Variants in MARK2 observed in about 807,000 individuals in gnomAD.
MARK2 encodes the protein microtubule affinity regulating kinase 2, also known as serine/threonine-protein kinase MARK2.
In MARK2, 16 loss-of-function variants were observed where a neutral mutation model predicts 89.8. The observed-to-expected ratio is 0.18, with a 90% CI of 0.12 to 0.27. The LOEUF (loss-of-function observed/expected upper bound fraction) is 0.27, where lower values mean the gene tolerates loss of function less well. MARK2 is among the 10% of genes least tolerant of loss of function. The pLI, the probability that MARK2 is intolerant of heterozygous loss-of-function variation, is 1.00. For missense variants in MARK2, 621 were observed against 1,049.9 expected (o/e 0.59, Z 5.65); for synonymous variants, 382 against 399.5 (o/e 0.96, Z 0.52).
At chr11:63,881,859 A>C (rs1939108153) in intron 1 of MARK2, among the ~76,000 whole-genome samples, 1 of 152,132 alleles carries the variant, frequency 6.6e-6, no homozygotes, top group South Asian at 2.1e-4. Context: ...GAGAGGCTGA[A>C]GCAGGAGAAT....
intron 1 of MARK2, among the ~76,000 whole-genome samples, chr11:63,842,217 CTTT>C (rs563980317): frequency 6.8e-5 from 9 of 133,022 alleles, no homozygotes; most frequent in East Asian, 2.1e-4. Flanking sequence ...TTCCTGTATT[CTTT>C]TTTTTTTTTT....
rs1941600553 is a variant in MARK2, at chr11:63,909,314, G to A, written c.*77G>A. ...GGCCGCTGCGCCGCCCCACCTGGGC[G>A]AGACTGCAGCGATGGATTGGTGTGT... On this transcript the variant is annotated 3_prime_UTR_variant, in exon 19 of 19. Transcript: ENST00000402010. 6 of 1,420,970 alleles carry A rather than the reference G, an allele frequency of 4.2e-6. No homozygotes were observed. The highest frequency in any genetic ancestry group is 1.4e-5 in the African/African-American group (1 of 69,582). 88.0% of individuals were successfully genotyped at this position (1,420,970 alleles called of 1,614,324 possible). A position where few individuals can be genotyped will look rare whatever the true frequency, so the allele number is the denominator to read the frequency against.
In MARK2 at chr11:63,879,623, C is replaced by T. The variant is rs577526043; in HGVS notation, c.55-15536C>T. Reference sequence around the variant, plus strand: ...AGAAAGATAGCACCTCTCCCTTCAGCAGGAGCAGCCCAGTAAGGGCTTGCT... The same window carrying T: ...AGAAAGATAGCACCTCTCCCTTCAGTAGGAGCAGCCCAGTAAGGGCTTGCT... On this transcript the variant is annotated intron_variant, in intron 1 of 18. Transcript: ENST00000402010. Among the ~76,000 whole-genome samples the T allele has an allele frequency of 1.1e-4, 16 of 152,018 alleles. No individual in the cohort carries two copies. The South Asian group carries it at 3.1e-3, about 29-fold the overall frequency.
At position 63,861,493 on chromosome 11, in the gene MARK2, A is replaced by G. The variant is rs150044198; in HGVS notation, c.54+21933A>G. 3.8e-3 allele frequency among the ~76,000 whole-genome samples: 574 copies of G among 152,310 alleles called. 4 individuals are homozygous for G. The highest frequency in any genetic ancestry group is 0.013 in the African/African-American group (522 of 41,578). On this transcript the variant is annotated intron_variant, in intron 1 of 18. Coordinates refer to ENST00000402010, the MANE Select transcript of MARK2 (RefSeq NM_001039469.3). ...TTTGTTTACTGTATTAGTTAAGGCA[A>G]CGGCTTAGTAATGGCACCTCCTGGA... is the stretch of plus-strand genomic sequence containing the variant.
Position 63,900,028 on chromosome 11 carries a change from C to G in MARK2, c.686C>G (p.Pro229Arg). Reference protein sequence around the residue: ...ELFQGKKYDGPEVDVWSLGVI... With the variant: ...ELFQGKKYDGREVDVWSLGVI... ...TTCCAGGGCAAAAAATATGATGGAC[C>G]CGAGGTGGATGTGTGGAGCCTAGGA... Residue 229 changes from proline (P) to arginine (R), a missense_variant, in exon 8 of 19, where the codon CCC (proline) becomes CGC (arginine). By Grantham distance (103) the Pro-to-Arg change is moderately radical. Coordinates refer to ENST00000402010, the MANE Select transcript of MARK2 (RefSeq NM_001039469.3). The surrounding 1 kb of genome is among the most constrained non-coding windows in gnomAD (Gnocchi z 4.7). 1 of 1,614,138 alleles carries G rather than the reference C, an allele frequency of 6.2e-7. No individual in the cohort carries two copies. Among genetic ancestry groups the G allele is most frequent in the Non-Finnish European group, 8.5e-7 (1 of 1,180,020 alleles).
Position 63,903,850 on chromosome 11 carries a change from C to T in MARK2, c.1515-136C>T, listed in dbSNP as rs1310597188. 6.2e-6 allele frequency: 4 copies of T among 646,266 alleles called. No homozygotes were observed. Among genetic ancestry groups the T allele is most frequent in the South Asian group, 2.1e-5 (1 of 46,570 alleles). The allele number at this position is 646,266 out of a possible 1,614,324, so 40.0% of individuals were successfully genotyped here. A position where few individuals can be genotyped will look rare whatever the true frequency, so the allele number is the denominator to read the frequency against. The stretch of plus-strand genomic sequence containing the variant: ...CATTCCTCAGTTCTGACTTGCATCC[C>T]GCTGCTGCCCAGGCCTGACTTCTAC... On this transcript the variant is annotated intron_variant, in intron 14 of 18. Transcript: ENST00000402010. The surrounding 1 kb of genome is among the most constrained non-coding windows in gnomAD (Gnocchi z 5.1).
At chr11:63,859,680 G>A (rs1207489722) in intron 1 of MARK2, among the ~76,000 whole-genome samples, 1 of 151,648 alleles carries the variant, frequency 6.6e-6, no homozygotes, top group Non-Finnish European at 1.5e-5. Context: ...CGCCCAGGCT[G>A]GAGTGCGGTG....
intron 1 of MARK2, among the ~76,000 whole-genome samples, chr11:63,846,845 A>G (rs2016309028): frequency 6.6e-6 from 1 of 151,948 alleles, no homozygotes; most frequent in Non-Finnish European, 1.5e-5. Context: ...TTCAGTAGAG[A>G]CGGGGTTTCA....
chr11:63,856,443 AAC>A (rs1385178344), intron 1 of MARK2, among the ~76,000 whole-genome samples: 1 of 149,390 alleles, frequency 6.7e-6, no homozygotes, highest in African/African-American at 2.5e-5. Flanking sequence ...TTTATTTTGA[AAC>A]AGAGTCTTAC....
chr11:63,881,991 G>A lies in MARK2; in HGVS notation c.55-13168G>A, dbSNP rs1029195545. The stretch of plus-strand genomic sequence containing the variant: ...AAGAAATGAAGAGTACAGATAGAGC[G>A]CTGAGAGTCTAGAGAAGTGAGTCTA... On this transcript the variant is annotated intron_variant, in intron 1 of 18. Coordinates refer to ENST00000402010, the MANE Select transcript of MARK2 (RefSeq NM_001039469.3). 6.6e-5 allele frequency among the ~76,000 whole-genome samples: 10 copies of A among 152,196 alleles called. No individual in the cohort carries two copies. In the East Asian group the frequency reaches 1.5e-3, roughly 24 times the overall value.
intron 1 of MARK2, among the ~76,000 whole-genome samples, chr11:63,841,032 C>A (rs931202028): frequency 3.9e-5 from 6 of 152,142 alleles, no homozygotes; most frequent in African/African-American, 1.4e-4. Context: ...TGGTGGAGAA[C>A]TTTACTAGGC....
Position 63,900,047 on chromosome 11 carries a change from C to T in MARK2, c.705C>T (p.Ser235=). 1 of 1,614,188 alleles carries T rather than the reference C, an allele frequency of 6.2e-7. No individual in the cohort carries two copies. The highest frequency in any genetic ancestry group is 2.2e-5 in the East Asian group (1 of 44,892). The change falls in exon 8 of 19, where the codon AGC becomes AGT. Residue 235 remains serine (S), a synonymous_variant. Coordinates refer to ENST00000402010, the MANE Select transcript of MARK2 (RefSeq NM_001039469.3). The surrounding 1 kb of genome is among the most constrained non-coding windows in gnomAD (Gnocchi z 4.7). ...ATGGACCCGAGGTGGATGTGTGGAG[C>T]CTAGGAGTTATCCTCTATACACTGG... The part of the protein sequence containing the change: ...KYDGPEVDVW[S]LGVILYTLVS...
At chr11:63,877,756 A>G (rs1938853297) in intron 1 of MARK2, among the ~76,000 whole-genome samples, 1 of 152,176 alleles carries the variant, frequency 6.6e-6, no homozygotes, top group South Asian at 2.1e-4. Context: ...CTGGTTTGCC[A>G]TACTCTGCTC....
In MARK2 at chr11:63,843,631, CT is replaced by C. The variant is rs901548970; in HGVS notation, c.54+4082del. Among the ~76,000 whole-genome samples the C allele has an allele frequency of 2.6e-3, 379 of 146,370 alleles. 3 individuals are homozygous for C. Among genetic ancestry groups the C allele is most frequent in the African/African-American group, 7.5e-3 (303 of 40,206 alleles). On this transcript the variant is annotated intron_variant, in intron 1 of 18. Transcript: ENST00000402010. ...TAAAAATATATATATATATAAAACT[CT>C]TTTTTTTTTTGACACAGAGTCTTGC...
intron 1 of MARK2, chr11:63,850,146 G>A (rs868233965): frequency 6.6e-6 from 1 of 151,794 alleles, no homozygotes; most frequent in East Asian, 1.9e-4. Context: ...CTGTTTTTTT[G>A]TTTGTTTGTT....
intron 7 of MARK2, among the ~76,000 whole-genome samples, 197 bp from the exon 8 acceptor site, chr11:63,899,677 C>T (rs1353562396): frequency 1.3e-5 from 2 of 152,228 alleles, no homozygotes; most frequent in African/African-American, 2.4e-5. Flanking sequence ...TGGCTGCCCA[C>T]GTGAGGAGTG....
chr11:63,903,871 T>C lies in MARK2; in HGVS notation c.1515-115T>C. 1.2e-6 allele frequency: 1 copy of C among 818,618 alleles called. No homozygotes were observed. The highest frequency in any genetic ancestry group is 1.9e-6 in the Non-Finnish European group (1 of 529,828). 50.7% of individuals were successfully genotyped at this position (818,618 alleles called of 1,614,324 possible). Reference sequence around the variant, plus strand: ...ATCCCGCTGCTGCCCAGGCCTGACTTCTACCCTGCCAGAGCTCCCCAGCTC... The same window carrying C: ...ATCCCGCTGCTGCCCAGGCCTGACTCCTACCCTGCCAGAGCTCCCCAGCTC... On this transcript the variant is annotated intron_variant, in intron 14 of 18. Coordinates refer to ENST00000402010, the MANE Select transcript of MARK2 (RefSeq NM_001039469.3). The surrounding 1 kb of genome is among the most constrained non-coding windows in gnomAD (Gnocchi z 5.1).
chr11:63,846,463 C>A (rs2016282826), intron 1 of MARK2, among the ~76,000 whole-genome samples: 1 of 151,306 alleles, frequency 6.6e-6, no homozygotes, highest in Non-Finnish European at 1.5e-5. Flanking sequence ...TCAAGTGATT[C>A]TCCTGTCTCA....
chr11:63,868,697 G>T (rs995129385), intron 1 of MARK2: 11 of 447,402 alleles, frequency 2.5e-5, no homozygotes, highest in African/African-American at 2.0e-4. Flanking sequence ...TGACACCAAC[G>T]TGTCTGCCTG....
Sources: gnomAD v4.1 joint callset for allele counts (sites outside exome capture counted in the v4.1 genomes callset) on GRCh38, gnomAD v4.1.1 for gene constraint, Gnocchi (gnomAD v3.1) non-coding constraint, MANE v1.5 for transcripts, NCBI Gene and HGNC (gene_info 2026-07-23, HGNC 2026-07-21) for gene names.